The following ATRNL1 variants were observed in gnomAD, a reference collection of about 807,000 sequenced individuals.
The protein encoded by ATRNL1 is attractin like 1.
In ATRNL1, 95 loss-of-function variants were observed where a neutral mutation model predicts 182.7. That is an observed-to-expected ratio of 0.52 (90% CI 0.44 to 0.62). The LOEUF (loss-of-function observed/expected upper bound fraction) is 0.62. Among genes scored for constraint, ATRNL1 ranks in the 20% least tolerant of loss-of-function variants. The probability of loss-of-function intolerance (pLI) is 0.00; values close to 1 mark genes in which losing one functional copy is unlikely to be tolerated. For synonymous variants in ATRNL1, 576 were observed against 568.3 expected, an observed-to-expected ratio of 1.01 and a Z score of -0.19; for missense variants, 1,471 against 1,679.5, an observed-to-expected ratio of 0.88 and a Z score of 2.17.
intron 26 of ATRNL1, among the ~76,000 whole-genome samples, chr10:115,669,001 C>T (rs190758128): frequency 5.7e-4 from 87 of 151,984 alleles, no homozygotes; most frequent in African/African-American, 2.0e-3. Context: ...AAAAATGCTT[C>T]GTATTGTAGA....
At chr10:115,457,819 G>A (rs1847602781) in intron 21 of ATRNL1, among the ~76,000 whole-genome samples, 1 of 151,930 alleles carries the variant, frequency 6.6e-6, no homozygotes, top group Non-Finnish European at 1.5e-5. Context: ...TCAGGGAATA[G>A]TTCCAAATTC....
At chr10:115,551,430 G>T (rs1196859569) in intron 26 of ATRNL1, among the ~76,000 whole-genome samples, 2 of 151,442 alleles carry the variant, frequency 1.3e-5, no homozygotes, top group Non-Finnish European at 1.5e-5. Context: ...AGGGGAGCTA[G>T]ATTAGGATCA....
chr10:115,475,188 TATG>T (rs1323291985), intron 24 of ATRNL1, among the ~76,000 whole-genome samples: 3 of 151,518 alleles, frequency 2.0e-5, no homozygotes, highest in African/African-American at 4.8e-5. Context: ...TTAGTAGAGA[TATG>T]ATGTTTTTAA....
intron 26 of ATRNL1, among the ~76,000 whole-genome samples, chr10:115,700,195 T>TA (rs1946687884): frequency 6.6e-6 from 1 of 152,206 alleles, no homozygotes; most frequent in Non-Finnish European, 1.5e-5. Flanking sequence ...TTCTTTTGGA[T>TA]ATATACCCAG....
At chr10:115,643,326 T>A (rs1859385972) in intron 26 of ATRNL1, among the ~76,000 whole-genome samples, 1 of 152,084 alleles carries the variant, frequency 6.6e-6, no homozygotes, top group Non-Finnish European at 1.5e-5. Flanking sequence ...ATACAAAAAT[T>A]AACTCAAAAT....
intron 26 of ATRNL1, among the ~76,000 whole-genome samples, chr10:115,685,466 A>C (rs1445572968): frequency 2.0e-5 from 3 of 151,820 alleles, no homozygotes; most frequent in African/African-American, 7.2e-5. Flanking sequence ...TCTGGCATAT[A>C]ATAAGTATTC....
chr10:115,732,419 C>A (rs547095633), intron 27 of ATRNL1, among the ~76,000 whole-genome samples: 3 of 152,122 alleles, frequency 2.0e-5, no homozygotes, highest in African/African-American at 7.2e-5. Flanking sequence ...GTGAGTCATC[C>A]AACTTTGTTC....
chr10:115,902,066 A>G (rs1013498298), intron 28 of ATRNL1, among the ~76,000 whole-genome samples: 4 of 152,278 alleles, frequency 2.6e-5, no homozygotes, highest in South Asian at 2.1e-4. Flanking sequence ...CGTTATAATC[A>G]AGTTGTACAG....
intron 8 of ATRNL1, among the ~76,000 whole-genome samples, chr10:115,205,743 C>A (rs781867932): frequency 7.2e-5 from 11 of 152,018 alleles, no homozygotes; most frequent in Non-Finnish European, 1.3e-4. Flanking sequence ...TACCTCATTA[C>A]AGGTACCTTT....
chr10:115,903,090 A>G (rs1195851309), intron 28 of ATRNL1, among the ~76,000 whole-genome samples: 7 of 152,166 alleles, frequency 4.6e-5, no homozygotes, highest in African/African-American at 1.4e-4. Flanking sequence ...AATGTACATA[A>G]TCTGACACAC....
chr10:115,559,723 C>A (rs1853576591), intron 26 of ATRNL1, among the ~76,000 whole-genome samples: 1 of 152,152 alleles, frequency 6.6e-6, no homozygotes, highest in Non-Finnish European at 1.5e-5. Context: ...CAACACCCAA[C>A]AAATTAGGAA....
intron 13 of ATRNL1, among the ~76,000 whole-genome samples, chr10:115,270,743 G>A (rs1851824895): frequency 6.6e-6 from 1 of 152,002 alleles, no homozygotes; most frequent in Admixed American, 6.6e-5. Context: ...TACTTTACTT[G>A]GTTTACCAAT....
chr10:115,159,975 G>A (rs1026374885), intron 5 of ATRNL1, 65 bp from the exon 6 acceptor site: 1 of 1,201,768 alleles, frequency 8.3e-7, no homozygotes, highest in Non-Finnish European at 1.1e-6. Context: ...TAATCCATAT[G>A]TTGTATTTCT....
At chr10:115,162,629 G>T (rs1437317531) in intron 6 of ATRNL1, among the ~76,000 whole-genome samples, 1 of 150,526 alleles carries the variant, frequency 6.6e-6, no homozygotes, top group South Asian at 2.1e-4. Flanking sequence ...ATATACTGGG[G>T]ATTAGGAGGA....
intron 26 of ATRNL1, among the ~76,000 whole-genome samples, chr10:115,625,404 ACT>A (rs1858029129): frequency 6.6e-6 from 1 of 152,264 alleles, no homozygotes; most frequent in Admixed American, 6.5e-5. Flanking sequence ...GTATTTCCAC[ACT>A]CATAATTTAA....
At chr10:115,591,170 C>T (rs1313201580) in intron 26 of ATRNL1, among the ~76,000 whole-genome samples, 1 of 152,196 alleles carries the variant, frequency 6.6e-6, no homozygotes, top group East Asian at 1.9e-4. Context: ...AATGCACACA[C>T]ACATAGTAGC....
At chr10:115,921,485 T>C (rs1555118746) in intron 28 of ATRNL1, among the ~76,000 whole-genome samples, 1 of 151,668 alleles carries the variant, frequency 6.6e-6, no homozygotes, top group African/African-American at 2.4e-5. Context: ...TTTTAAAGGA[T>C]GAGAAAAGAG....
At chr10:115,125,089 A>G (rs1449429644) in intron 3 of ATRNL1, among the ~76,000 whole-genome samples, 4 of 152,212 alleles carry the variant, frequency 2.6e-5, no homozygotes, top group Non-Finnish European at 5.9e-5. Flanking sequence ...TTTTAGGGCA[A>G]TAGTTGAAAG....
chr10:115,438,468 G>A (rs1846510968), intron 21 of ATRNL1, among the ~76,000 whole-genome samples: 1 of 151,818 alleles, frequency 6.6e-6, no homozygotes, highest in Non-Finnish European at 1.5e-5. Context: ...GTCTTTTTAT[G>A]CATATACATT....
Sources: allele counts gnomAD v4.1 joint callset (sites outside exome capture counted in the v4.1 genomes callset), GRCh38; gene constraint gnomAD v4.1.1; transcripts MANE v1.5; gene names NCBI Gene and HGNC (gene_info 2026-07-23, HGNC 2026-07-21).